The following IKBKB-DT variants were observed in gnomAD, a reference collection of about 807,000 sequenced individuals.
IKBKB-DT encodes IKBKB divergent transcript.
At position 42,255,525 on chromosome 8, in the gene IKBKB-DT, A is replaced by G. The variant is rs536668757; in HGVS notation, n.1529+7804T>C. Reference sequence around the variant, plus strand: ...ACCTTTCTTACTCATCTGTAAGGCAACCACATAAAGAAACCACATAAGCAA... The same window carrying G: ...ACCTTTCTTACTCATCTGTAAGGCAGCCACATAAAGAAACCACATAAGCAA... On this transcript the variant is annotated intron_variant and non_coding_transcript_variant, in intron 3 of 3. Coordinates refer to ENST00000518213, the Ensembl canonical transcript of IKBKB-DT. 3.9e-5 allele frequency: 6 copies of G among 152,314 alleles called. No homozygotes were observed. In the East Asian group the frequency reaches 1.2e-3, roughly 29 times the overall value. The allele number at this position is 152,314 out of a possible 1,614,324, so 9.4% of individuals were successfully genotyped here.
intron 3 of IKBKB-DT, among the ~76,000 whole-genome samples, chr8:42,262,702 G>A (rs1807307945): frequency 6.6e-6 from 1 of 151,940 alleles, no homozygotes; most frequent in Non-Finnish European, 1.5e-5. Flanking sequence ...GCCTCCCAAA[G>A]TGCTGGGATT....
intron 3 of IKBKB-DT, among the ~76,000 whole-genome samples, chr8:42,245,921 G>A (rs540471938): frequency 1.3e-5 from 2 of 152,188 alleles, no homozygotes; most frequent in East Asian, 1.9e-4. Context: ...AGCCAAAATT[G>A]GAAACAATCA....
intron 3 of IKBKB-DT, among the ~76,000 whole-genome samples, chr8:42,256,771 C>A (rs1807208003): frequency 6.6e-6 from 1 of 152,178 alleles, no homozygotes; most frequent in South Asian, 2.1e-4. Flanking sequence ...CTCCATGAAT[C>A]TCCTTAAATA....
chr8:42,240,453 T>A (rs1296117211), intron 3 of IKBKB-DT, among the ~76,000 whole-genome samples: 1 of 150,136 alleles, frequency 6.7e-6, no homozygotes, highest in African/African-American at 2.5e-5. Context: ...TGAAACCCTG[T>A]CTCTACTAAA....
chr8:42,270,791 CAGTT>C (rs1807590609), exon 1 of IKBKB-DT: 1 of 152,626 alleles, frequency 6.6e-6, no homozygotes, highest in Admixed American at 6.5e-5. Context: ...GCTGGGGGTG[CAGTT>C]TGGCTTCACA....
chr8:42,264,984 TCC>T (rs1563279332), intron 2 of IKBKB-DT, among the ~76,000 whole-genome samples: 2 of 151,844 alleles, frequency 1.3e-5, no homozygotes, highest in South Asian at 4.2e-4. Context: ...CGCCTCAGTC[TCC>T]CGAGTAACTG....
At chr8:42,255,553 T>C (rs957200229) in intron 3 of IKBKB-DT, 1 of 152,186 alleles carries the variant, frequency 6.6e-6, no homozygotes, top group Non-Finnish European at 1.5e-5. Context: ...ATAAGCAAAG[T>C]ATGAGGTTGG....
intron 3 of IKBKB-DT, among the ~76,000 whole-genome samples, chr8:42,243,496 G>C (rs1457631352): frequency 1.3e-5 from 2 of 152,204 alleles, no homozygotes. Context: ...AACATCTCTG[G>C]AGGTTTTATG....
At chr8:42,244,729 C>T (rs1157804810) in intron 3 of IKBKB-DT, among the ~76,000 whole-genome samples, 4 of 152,092 alleles carry the variant, frequency 2.6e-5, no homozygotes, top group Non-Finnish European at 4.4e-5. Flanking sequence ...ATTGGGCTGC[C>T]GCCTATAATT....
chr8:42,260,870 T>C (rs1213915420), intron 3 of IKBKB-DT, among the ~76,000 whole-genome samples: 2 of 152,106 alleles, frequency 1.3e-5, no homozygotes, highest in Non-Finnish European at 2.9e-5. Flanking sequence ...ATGAGCCTTT[T>C]ATGGCTTTGC....
chr8:42,249,338 C>T (rs991550542), intron 3 of IKBKB-DT: 1 of 151,972 alleles, frequency 6.6e-6, no homozygotes, highest in African/African-American at 2.4e-5. Flanking sequence ...CACTGCACTC[C>T]AGCCTGGGCG....
At chr8:42,268,065 C>T (rs1807397976) in intron 1 of IKBKB-DT, among the ~76,000 whole-genome samples, 1 of 151,708 alleles carries the variant, frequency 6.6e-6, no homozygotes, top group South Asian at 2.1e-4. Flanking sequence ...TAAAGAGAAA[C>T]CTTTTATGAC....
rs773177896 is a variant in IKBKB-DT, at chr8:42,241,224, C to CTTTTTTTTTTTTTTTTTTTTTTTTTTTTT, written n.1530-7394_1530-7366dup. Among the ~76,000 whole-genome samples, 4 of 45,678 alleles carry CTTTTTTTTTTTTTTTTTTTTTTTTTTTTT rather than the reference C, an allele frequency of 8.8e-5. 1 individual carries two copies. Among genetic ancestry groups the CTTTTTTTTTTTTTTTTTTTTTTTTTTTTT allele is most frequent in the Non-Finnish European group, 1.8e-4 (4 of 22,100 alleles). The allele number at this position is 45,678 out of a possible 152,430, so 30.0% of individuals were successfully genotyped here. ...TTGATGCCTTTAGATATGTTGGAAT[C>CTTTTTTTTTTTTTTTTTTTTTTTTTTTTT]TTTTTTTTTTTTTTTTTTTTTTTTT... On this transcript the variant is annotated intron_variant and non_coding_transcript_variant, in intron 3 of 3. Coordinates refer to ENST00000518213, the Ensembl canonical transcript of IKBKB-DT.
chr8:42,255,714 C>T (rs1444448768), intron 3 of IKBKB-DT, among the ~76,000 whole-genome samples: 1 of 152,094 alleles, frequency 6.6e-6, no homozygotes, highest in Non-Finnish European at 1.5e-5. Context: ...AGACTAGATT[C>T]TTACTGAATT....
chr8:42,247,580 G>A (rs111525552), intron 3 of IKBKB-DT, among the ~76,000 whole-genome samples: 5,246 of 152,232 alleles, frequency 0.034, 129 homozygotes, highest in Non-Finnish European at 0.043. Flanking sequence ...GGGAGGGGCC[G>A]GAGCAGAATG....
intron 3 of IKBKB-DT, among the ~76,000 whole-genome samples, chr8:42,262,681 C>T (rs573401665): frequency 7.9e-5 from 12 of 151,990 alleles, no homozygotes; most frequent in Middle Eastern, 3.4e-3. Context: ...CCTCGTGATC[C>T]GCCCGCCTCG....
intron 3 of IKBKB-DT, among the ~76,000 whole-genome samples, chr8:42,255,810 G>A (rs1807191747): frequency 6.6e-6 from 1 of 152,040 alleles, no homozygotes; most frequent in South Asian, 2.1e-4. Flanking sequence ...TGGATCACGA[G>A]GTCAGGAGTT....
At chr8:42,248,340 G>C (rs536724720) in intron 3 of IKBKB-DT, among the ~76,000 whole-genome samples, 4 of 151,940 alleles carry the variant, frequency 2.6e-5, no homozygotes, top group Non-Finnish European at 4.4e-5. Context: ...ACCTGTCTTC[G>C]GCTCTTGGTT....
intron 2 of IKBKB-DT, among the ~76,000 whole-genome samples, chr8:42,264,284 G>C (rs148701501): frequency 1.3e-5 from 2 of 152,008 alleles, no homozygotes; most frequent in East Asian, 3.9e-4. Flanking sequence ...AGCCTCCCCA[G>C]TAGCTGGGAC....
Sources: allele counts gnomAD v4.1 joint callset (sites outside exome capture counted in the v4.1 genomes callset), GRCh38; gene constraint gnomAD v4.1.1; transcripts MANE v1.5; gene names NCBI Gene and HGNC (gene_info 2026-07-23, HGNC 2026-07-21).